Variants in CYTH1 observed in about 807,000 individuals in gnomAD.
The protein encoded by CYTH1 is cytohesin 1.
Under a neutral mutation model 61.8 loss-of-function variants are expected in CYTH1, and 18 were observed. The observed-to-expected ratio is 0.29, with a 90% CI of 0.20 to 0.43. The LOEUF (loss-of-function observed/expected upper bound fraction) is 0.43, where lower values mean the gene tolerates loss of function less well. Among genes scored for constraint, CYTH1 ranks in the 20% least tolerant of loss-of-function variants. CYTH1 has a pLI of 1.00. For missense variants in CYTH1, 336 were observed against 510.5 expected (o/e 0.66, Z 3.29); for synonymous variants, 174 against 184.3 (o/e 0.94, Z 0.45).
At chr17:78,775,031 C>T (rs549430903) in intron 1 of CYTH1, among the ~76,000 whole-genome samples, 3 of 152,376 alleles carry the variant, frequency 2.0e-5, no homozygotes, top group African/African-American at 7.2e-5. Context: ...GCTGGCATAA[C>T]GGCCCTGGAC....
At chr17:78,693,297 C>T (rs1343813893) in intron 10 of CYTH1, among the ~76,000 whole-genome samples, 3 of 151,976 alleles carry the variant, frequency 2.0e-5, no homozygotes, top group Admixed American at 2.0e-4. Context: ...AAGGGCCTCC[C>T]TTGGTTCTTT....
chr17:78,754,566 T>A (rs1451399733), intron 1 of CYTH1, among the ~76,000 whole-genome samples: 2 of 152,106 alleles, frequency 1.3e-5, no homozygotes, highest in Non-Finnish European at 2.9e-5. Flanking sequence ...CAGGCTGGTC[T>A]CAAATTCCTG....
At chr17:78,760,456 CATACATATATATA>C in intron 1 of CYTH1, among the ~76,000 whole-genome samples, 1 of 29,438 alleles carries the variant, frequency 3.4e-5, no homozygotes, top group African/African-American at 1.6e-4. Context: ...TATATATATA[CATACATATATATA>C]TGTATATATA....
chr17:78,774,219 C>CT (rs2093482664), intron 1 of CYTH1, among the ~76,000 whole-genome samples: 1 of 152,178 alleles, frequency 6.6e-6, no homozygotes, highest in Non-Finnish European at 1.5e-5. Context: ...TGTTTATACT[C>CT]TGACATGTTC....
chr17:78,775,162 T>C (rs1367973405), intron 1 of CYTH1, among the ~76,000 whole-genome samples: 1 of 152,212 alleles, frequency 6.6e-6, no homozygotes, highest in African/African-American at 2.4e-5. Flanking sequence ...CTGTGTGTTA[T>C]GACACCACAC....
intron 1 of CYTH1, among the ~76,000 whole-genome samples, chr17:78,729,388 CAGA>C (rs1441099875): frequency 1.3e-5 from 2 of 152,160 alleles, no homozygotes; most frequent in South Asian, 2.1e-4. Flanking sequence ...AATGGTCACA[CAGA>C]AGAAGATGCT....
chr17:78,774,683 C>T (rs2093484195), intron 1 of CYTH1, among the ~76,000 whole-genome samples: 1 of 152,146 alleles, frequency 6.6e-6, no homozygotes, highest in Non-Finnish European at 1.5e-5. Context: ...CCCAGACATG[C>T]CAGTGCCCAG....
intron 1 of CYTH1, among the ~76,000 whole-genome samples, chr17:78,711,310 TATATACACACACAC>T (rs1028452863): frequency 6.3e-5 from 9 of 143,698 alleles, no homozygotes; most frequent in Non-Finnish European, 4.5e-5. Context: ...ATAATATATA[TATATACACACACAC>T]ACACACACAC....
At chr17:78,746,751 A>C (rs758458441) in intron 1 of CYTH1, among the ~76,000 whole-genome samples, 63 of 152,192 alleles carry the variant, frequency 4.1e-4, no homozygotes, top group Middle Eastern at 6.8e-3. Context: ...AGACTAGCCT[A>C]GACAACATAA....
intron 1 of CYTH1, among the ~76,000 whole-genome samples, chr17:78,763,669 C>G (rs1007741353): frequency 6.6e-6 from 1 of 152,128 alleles, no homozygotes; most frequent in Admixed American, 6.5e-5. Context: ...TGAATGTAGT[C>G]TCTCAAAATA....
rs73387888 is a variant in CYTH1 at position 78,688,108 on chromosome 17, A to G, written c.891+4309T>C. On this transcript the variant is annotated intron_variant, in intron 11 of 13. Coordinates refer to ENST00000446868, the MANE Select transcript of CYTH1 (RefSeq NM_004762.6). ...CTTTTTGGCTAGCCAGCACTTCTCT[A>G]TGGATGACATACTGCATAGACTCAC... Among the ~76,000 whole-genome samples the G allele has an allele frequency of 9.5e-3, 1,450 of 152,318 alleles. 24 individuals carry two copies. Among genetic ancestry groups the G allele is most frequent in the African/African-American group, 0.034 (1,400 of 41,566 alleles).
rs371883688 is a variant in CYTH1 at position 78,701,757 on chromosome 17, G to A, written c.357-6C>T. 5.0e-6 allele frequency: 8 copies of A among 1,613,808 alleles called. No homozygotes were observed. The highest frequency in any genetic ancestry group is 1.7e-5 in the Admixed American group (1 of 59,990). ...CCTGGATATTAAACTCATCTCTATCGAGAAAAGACAAAAAATGGGAGAGAA... is the reference window on the plus strand; with the variant it reads ...CCTGGATATTAAACTCATCTCTATCAAGAAAAGACAAAAAATGGGAGAGAA... On this transcript the variant is annotated splice_region_variant and splice_polypyrimidine_tract_variant and intron_variant, in intron 5 of 13. Coordinates refer to ENST00000446868, the MANE Select transcript of CYTH1 (RefSeq NM_004762.6).
intron 1 of CYTH1, among the ~76,000 whole-genome samples, chr17:78,759,699 T>C (rs893930883): frequency 2.0e-5 from 3 of 152,194 alleles, no homozygotes; most frequent in African/African-American, 7.2e-5. Flanking sequence ...ACCACATAAA[T>C]TAGATAGTTA....
chr17:78,741,379 TTAAA>T (rs2093341182), intron 1 of CYTH1, among the ~76,000 whole-genome samples: 1 of 151,870 alleles, frequency 6.6e-6, no homozygotes, highest in Non-Finnish European at 1.5e-5. Flanking sequence ...TACAAAAAAA[TTAAA>T]TAAATGACAG....
chr17:78,678,027 CAAG>C (rs1445747967), intron 13 of CYTH1: 2 of 152,260 alleles, frequency 1.3e-5, no homozygotes, highest in Admixed American at 1.3e-4. Flanking sequence ...GCACTGGGTG[CAAG>C]AAGGTTTGAG....
In CYTH1 at chr17:78,708,400, A is replaced by C. The variant is rs1378744920; in HGVS notation, c.106-139T>G. 9.2e-6 allele frequency: 7 copies of C among 758,690 alleles called. No homozygotes were observed. In the East Asian group the frequency reaches 1.9e-4, roughly 21 times the overall value. 47.0% of individuals were successfully genotyped at this position (758,690 alleles called of 1,614,324 possible). A position where few individuals can be genotyped will look rare whatever the true frequency, so the allele number is the denominator to read the frequency against. Reference sequence around the variant, plus strand: ...AAAATATGACAAAAATGCAAAAAGTAAATTAGGAAAATTCATGTTTCAGAA... The same window carrying C: ...AAAATATGACAAAAATGCAAAAAGTCAATTAGGAAAATTCATGTTTCAGAA... On this transcript the variant is annotated intron_variant, in intron 2 of 13. Transcript: ENST00000446868.
At chr17:78,778,772 A>T (rs28605568) in intron 1 of CYTH1, among the ~76,000 whole-genome samples, 10,432 of 152,184 alleles carry the variant, frequency 0.069, 709 homozygotes, top group African/African-American at 0.17. Context: ...AGACTCTGCA[A>T]CTATTTAAAA....
chr17:78,755,262 G>A (rs1388401880), intron 1 of CYTH1, among the ~76,000 whole-genome samples: 5 of 151,986 alleles, frequency 3.3e-5, no homozygotes, highest in Admixed American at 2.0e-4. Context: ...TGCAGCCTCC[G>A]CCTCCCGGGT....
chr17:78,677,863 C>T (rs1265942608), intron 13 of CYTH1: 5 of 152,274 alleles, frequency 3.3e-5, no homozygotes, highest in Non-Finnish European at 7.3e-5. Flanking sequence ...ACAGCTGAGG[C>T]TGCACGGTGG....
Sources: allele counts gnomAD v4.1 joint callset (sites outside exome capture counted in the v4.1 genomes callset), GRCh38; gene constraint gnomAD v4.1.1; transcripts MANE v1.5; gene names NCBI Gene and HGNC (gene_info 2026-07-23, HGNC 2026-07-21).